The following MIER3 variants were observed in gnomAD, a reference collection of about 807,000 sequenced individuals.
MIER3 encodes MIER family member 3.
MIER3 carries 9 observed loss-of-function variants against 63.2 expected under a neutral mutation model. The ratio of observed to expected loss-of-function variants is 0.14; its 90% CI spans 0.09 to 0.25. The LOEUF is 0.25. MIER3 is among the 10% of genes least tolerant of loss of function. The pLI, the probability that MIER3 is intolerant of heterozygous loss-of-function variation, is 1.00. For synonymous variants in MIER3, 205 were observed against 224.9 expected (o/e 0.91, Z 0.79); for missense variants, 512 against 666.2 (o/e 0.77, Z 2.55).
intron 3 of MIER3, chr5:56,941,219 C>T: frequency 3.6e-6 from 3 of 842,502 alleles, no homozygotes; most frequent in Non-Finnish European, 4.3e-6. Flanking sequence ...GTGATGGCTT[C>T]AATATTCAAT....
At chr5:56,938,766 G>T in intron 4 of MIER3, 117 bp downstream of exon 4, 1 of 1,353,910 alleles carries the variant, frequency 7.4e-7, no homozygotes, top group Non-Finnish European at 1.0e-6. Context: ...ACCAAAATAA[G>T]CACAATGGGT....
chr5:56,931,410 A>G (rs958673404), intron 8 of MIER3, among the ~76,000 whole-genome samples: 1 of 152,282 alleles, frequency 6.6e-6, no homozygotes, highest in Middle Eastern at 3.4e-3. Flanking sequence ...AATAGCCTAC[A>G]TTTAAAAAAA....
chr5:56,927,051 A>G (rs1750020628), intron 10 of MIER3, among the ~76,000 whole-genome samples: 1 of 152,212 alleles, frequency 6.6e-6, no homozygotes. Context: ...AGTACAGACA[A>G]TAAAAAGATC....
intron 8 of MIER3, among the ~76,000 whole-genome samples, chr5:56,932,901 T>G (rs1049747722): frequency 4.6e-5 from 7 of 152,164 alleles, no homozygotes; most frequent in Non-Finnish European, 8.8e-5. Context: ...GGAAAAATTT[T>G]TTTTAAAAAG....
At chr5:56,935,865 T>C (rs1579850978) in intron 5 of MIER3, 114 bp from the exon 6 acceptor site, 3 of 718,006 alleles carry the variant, frequency 4.2e-6, no homozygotes, top group African/African-American at 3.6e-5. Flanking sequence ...ATAAGTATAC[T>C]AAACCACCTG....
Position 56,933,356 on chromosome 5 carries a change from A to G in MIER3, c.638T>C (p.Val213Ala). The G allele has an allele frequency of 6.2e-7, 1 of 1,613,058 alleles. No homozygotes were observed. The highest frequency in any genetic ancestry group is 8.5e-7 in the Non-Finnish European group (1 of 1,179,570). ...GTATTCCTTAACTTTGCTCTCCAAA[A>G]CCACATCAGGACACCAAAGTAACTG... ...EDQLLWCPDV[V>A]LESKVKEYLV... Residue 213 changes from valine (V) to alanine (A), a missense_variant, in exon 8 of 13, where the codon GTT becomes GCT. This residue lies in a region of MIER3 where 118 missense variants were observed against 133.6 expected (regional missense o/e 0.88). Coordinates refer to ENST00000381199, the MANE Select transcript of MIER3 (RefSeq NM_001297599.2).
At chr5:56,942,892 T>C (rs1169540775) in intron 3 of MIER3, among the ~76,000 whole-genome samples, 5 of 152,254 alleles carry the variant, frequency 3.3e-5, no homozygotes, top group African/African-American at 1.2e-4. Flanking sequence ...CTGCCTGTAA[T>C]CCCAGCACTT....
chr5:56,950,545 C>T (rs1442178333), intron 2 of MIER3, 83 bp downstream of exon 2: 2 of 1,415,364 alleles, frequency 1.4e-6, no homozygotes, highest in African/African-American at 2.9e-5. Flanking sequence ...GGATACATTT[C>T]TATTGGGAAT....
At chr5:56,927,225 C>A (rs1579838136) in intron 10 of MIER3, among the ~76,000 whole-genome samples, 3 of 151,984 alleles carry the variant, frequency 2.0e-5, no homozygotes, top group African/African-American at 7.3e-5. Context: ...GAAGAGCGAA[C>A]CTTAATGTAA....
intron 10 of MIER3, chr5:56,925,565 T>C (rs1749929257): frequency 4.7e-6 from 1 of 210,992 alleles, no homozygotes; most frequent in Non-Finnish European, 9.7e-6. Flanking sequence ...ATGCAAAATC[T>C]GTATGAGAAA....
chr5:56,928,912 G>A (rs1461199155), intron 9 of MIER3, 51 bp from the exon 10 acceptor site: 4 of 1,291,810 alleles, frequency 3.1e-6, no homozygotes, highest in Admixed American at 1.8e-5. Context: ...TTTCTTATGT[G>A]AATCACTGAT....
At position 56,921,620 on chromosome 5, in the gene MIER3, T is replaced by C. The variant is rs1749677636; in HGVS notation, c.*1508A>G. The C allele has an allele frequency of 6.6e-6, 1 of 152,604 alleles. No homozygotes were observed. Among genetic ancestry groups the C allele is most frequent in the African/African-American group, 2.4e-5 (1 of 41,442 alleles). The allele number at this position is 152,604 out of a possible 1,614,324, so 9.5% of individuals were successfully genotyped here. ...TGCAGTTCACAGTTTGTATAATAAA[T>C]ACCCTCCCTTTCAATCACTACTAAG... is the stretch of plus-strand genomic sequence containing the variant. On this transcript the variant is annotated 3_prime_UTR_variant, in exon 13 of 13. Transcript: ENST00000381199.
At chr5:56,947,453 T>C (rs55898301) in intron 2 of MIER3, among the ~76,000 whole-genome samples, 3,292 of 152,270 alleles carry the variant, frequency 0.022, 126 homozygotes, top group African/African-American at 0.076. Flanking sequence ...TAAATTTCCA[T>C]GAATGGAAGA....
At chr5:56,940,935 A>G in intron 3 of MIER3, 1 of 982,310 alleles carries the variant, frequency 1.0e-6, no homozygotes, top group Non-Finnish European at 1.2e-6. Flanking sequence ...ACCTGTCAGT[A>G]GTATTTCCGC....
chr5:56,925,164 A>T (rs998882547), intron 10 of MIER3, among the ~76,000 whole-genome samples: 4 of 152,196 alleles, frequency 2.6e-5, no homozygotes, highest in Non-Finnish European at 4.4e-5. Flanking sequence ...AAATGTCTTA[A>T]ATTATACGCT....
intron 2 of MIER3, among the ~76,000 whole-genome samples, chr5:56,950,348 C>T (rs1321070974): frequency 6.6e-6 from 1 of 152,098 alleles, no homozygotes; most frequent in African/African-American, 2.4e-5. Flanking sequence ...CTGTTTCAGG[C>T]TCGGAGGAAA....
At chr5:56,947,267 G>C in intron 2 of MIER3, 196 bp from the exon 3 acceptor site, 4 of 495,378 alleles carry the variant, frequency 8.1e-6, no homozygotes. Flanking sequence ...AAAATAACAA[G>C]GCAAAGTTAT....
intron 1 of MIER3, 26 bp downstream of exon 1, chr5:56,952,054 CGCTCCAGCCCGGCT>C: frequency 7.9e-7 from 1 of 1,269,324 alleles, no homozygotes; most frequent in Admixed American, 3.5e-5. Context: ...GCCGGGCGCC[CGCTCCAGCCCGGCT>C]GCTCCTGCCC....
intron 4 of MIER3, 43 bp downstream of exon 4, chr5:56,938,840 T>C: frequency 6.3e-7 from 1 of 1,592,154 alleles, no homozygotes; most frequent in Non-Finnish European, 8.6e-7. Context: ...AAGCAGTCAA[T>C]GGTAACAGAC....
Sources: gnomAD v4.1 joint callset for allele counts (sites outside exome capture counted in the v4.1 genomes callset) on GRCh38, gnomAD v4.1.1 for gene constraint, gnomAD v4.1.1 regional missense constraint, MANE v1.5 for transcripts, NCBI Gene and HGNC (gene_info 2026-07-23, HGNC 2026-07-21) for gene names.